RBFOX1: variants seen among roughly 807,000 people sequenced by gnomAD.
The protein encoded by RBFOX1 is RNA binding protein fox-1 homolog 1.
In RBFOX1, 8 loss-of-function variants were observed where a neutral mutation model predicts 57.7. The ratio of observed to expected loss-of-function variants is 0.14; its 90% confidence interval spans 0.08 to 0.25. The LOEUF (loss-of-function observed/expected upper bound fraction) is 0.25, where lower values mean the gene tolerates loss of function less well. Among genes scored for constraint, RBFOX1 ranks in the 10% least tolerant of loss-of-function variants. The pLI is 1.00. For missense variants in RBFOX1, 611 were observed against 548.5 expected (o/e 1.11, Z -1.14); for synonymous variants, 326 against 222.4 (o/e 1.47, Z -4.15).
intron 2 of RBFOX1, among the ~76,000 whole-genome samples, chr16:5,530,457 C>A (rs2044421781): frequency 6.6e-6 from 1 of 152,168 alleles, no homozygotes; most frequent in Non-Finnish European, 1.5e-5. Flanking sequence ...GACCACTCGA[C>A]AATAGGACAT....
chr16:6,619,749 T>C (rs547022183), intron 2 of RBFOX1, among the ~76,000 whole-genome samples: 1 of 151,784 alleles, frequency 6.6e-6, no homozygotes, highest in African/African-American at 2.4e-5. Context: ...AATGTACTGT[T>C]TTTACATAGG....
intron 3 of RBFOX1, among the ~76,000 whole-genome samples, chr16:6,769,621 C>T (rs2077966924): frequency 6.6e-6 from 1 of 152,198 alleles, no homozygotes; most frequent in South Asian, 2.1e-4. Context: ...ATGGCATCTC[C>T]AAATGATGAC....
intron 4 of RBFOX1, among the ~76,000 whole-genome samples, chr16:7,301,698 C>A (rs2096037937): frequency 6.6e-6 from 1 of 152,102 alleles, no homozygotes; most frequent in Non-Finnish European, 1.5e-5. Context: ...GGAAAAAATT[C>A]TCTCCTCTTC....
At chr16:7,707,728 A>G (rs2148514183) in intron 14 of RBFOX1, among the ~76,000 whole-genome samples, 1 of 152,310 alleles carries the variant, frequency 6.6e-6, no homozygotes, top group East Asian at 1.9e-4. Flanking sequence ...GTAGGCATTA[A>G]AAAGCCAACC....
At chr16:5,301,511 C>T (rs1466630378) in intron 1 of RBFOX1, among the ~76,000 whole-genome samples, 8 of 148,156 alleles carry the variant, frequency 5.4e-5, no homozygotes, top group East Asian at 4.1e-4. Context: ...CCCAGCTACT[C>T]GGGAAGCTGA....
At chr16:6,923,040 A>C (rs760301385) in intron 3 of RBFOX1, among the ~76,000 whole-genome samples, 1 of 152,238 alleles carries the variant, frequency 6.6e-6, no homozygotes, top group Non-Finnish European at 1.5e-5. Flanking sequence ...TAGACAGTGC[A>C]GTACCGTCGG....
intron 1 of RBFOX1, among the ~76,000 whole-genome samples, chr16:6,314,204 G>T (rs758639867): frequency 1.3e-5 from 2 of 152,134 alleles, no homozygotes; most frequent in Non-Finnish European, 2.9e-5. Flanking sequence ...GTAACCCTCT[G>T]GGGCAAGGAA....
intron 1 of RBFOX1, among the ~76,000 whole-genome samples, chr16:5,307,980 A>G (rs1478155149): frequency 6.6e-6 from 1 of 152,168 alleles, no homozygotes; most frequent in Admixed American, 6.5e-5. Context: ...GCCTGACTAT[A>G]ATAGCTGTAA....
intron 1 of RBFOX1, among the ~76,000 whole-genome samples, chr16:6,243,380 T>G (rs556216898): frequency 6.6e-6 from 1 of 152,182 alleles, no homozygotes. Context: ...TTGGAAAGCA[T>G]ATTCCAATGT....
intron 1 of RBFOX1, among the ~76,000 whole-genome samples, chr16:6,034,354 A>G (rs921714786): frequency 7.1e-6 from 1 of 140,728 alleles, no homozygotes; most frequent in Non-Finnish European, 1.5e-5. Context: ...AAAAAAAAAA[A>G]AAAGAAAAGA....
chr16:7,163,739 C>T (rs1037329854), intron 4 of RBFOX1, among the ~76,000 whole-genome samples: 10 of 152,130 alleles, frequency 6.6e-5, no homozygotes, highest in African/African-American at 1.2e-4. Context: ...TCACTGCAAC[C>T]TCTGCCTCGT....
intron 4 of RBFOX1, among the ~76,000 whole-genome samples, chr16:7,221,923 G>GA (rs1252824562): frequency 6.6e-6 from 1 of 152,202 alleles, no homozygotes; most frequent in Non-Finnish European, 1.5e-5. Context: ...AAAATGGGTA[G>GA]AAAATGATGA....
intron 1 of RBFOX1, among the ~76,000 whole-genome samples, chr16:5,391,786 A>G (rs1043867650): frequency 1.3e-5 from 2 of 151,704 alleles, no homozygotes; most frequent in East Asian, 1.9e-4. Context: ...ATGCCCATCA[A>G]TTAATGAGTG....
intron 4 of RBFOX1, among the ~76,000 whole-genome samples, chr16:7,211,820 T>C (rs2091198358): frequency 6.6e-6 from 1 of 152,208 alleles, no homozygotes; most frequent in Non-Finnish European, 1.5e-5. Flanking sequence ...TCCTCTGGTT[T>C]ATCCCCCGCC....
chr16:6,029,462 A>G (rs895382338), intron 1 of RBFOX1, among the ~76,000 whole-genome samples: 13 of 152,222 alleles, frequency 8.5e-5, no homozygotes, highest in Admixed American at 2.6e-4. Flanking sequence ...GAATTTTTAC[A>G]GTTGAATCTA....
In RBFOX1 at chr16:5,345,365, C is replaced by G. The variant is rs138773973; in HGVS notation, c.219+105260C>G. Among the ~76,000 whole-genome samples, 8 of 152,308 alleles carry G rather than the reference C, an allele frequency of 5.3e-5. No homozygotes were observed. The East Asian group carries it at 1.5e-3, about 29-fold the overall frequency. On this transcript the variant is annotated intron_variant, in intron 1 of 2. Transcript: ENST00000585867. Reference sequence around the variant, plus strand: ...TTCCTCTCCATTGTGCCCCTGAAAACAAGGTAACACAAAGCACCCCATTCA... The same window carrying G: ...TTCCTCTCCATTGTGCCCCTGAAAAGAAGGTAACACAAAGCACCCCATTCA...
chr16:7,534,921 T>A (rs1017374883), intron 5 of RBFOX1, among the ~76,000 whole-genome samples: 6 of 152,180 alleles, frequency 3.9e-5, no homozygotes, highest in Admixed American at 6.5e-5. Flanking sequence ...CTGCAGGCTT[T>A]CTGAGAATTC....
intron 2 of RBFOX1, among the ~76,000 whole-genome samples, chr16:6,516,739 C>G (rs1055513187): frequency 1.3e-5 from 2 of 152,134 alleles, no homozygotes; most frequent in African/African-American, 2.4e-5. Flanking sequence ...TTTCTCCATT[C>G]TCATTGTGGT....
Position 5,903,028 on chromosome 16 carries a change from T to C in RBFOX1, c.351+35693T>C, listed in dbSNP as rs74004695. On this transcript the variant is annotated intron_variant, in intron 4 of 19. Transcript: ENST00000641259. ...GTGTGCACCCCTTTCCAGCCTCCCA[T>C]GGTTAGGCTCCTAGCCTTTTCTTGG... Among the ~76,000 whole-genome samples, 797 of 152,240 alleles carry C rather than the reference T, an allele frequency of 5.2e-3. 7 individuals carry two copies. Among genetic ancestry groups the C allele is most frequent in the African/African-American group, 0.018 (734 of 41,548 alleles).
Sources: allele counts gnomAD v4.1 joint callset (sites outside exome capture counted in the v4.1 genomes callset), GRCh38; gene constraint gnomAD v4.1.1; transcripts MANE v1.5; gene names NCBI Gene and HGNC (gene_info 2026-07-23, HGNC 2026-07-21).